Variants in BRINP3 observed in about 807,000 individuals in gnomAD.
BRINP3 encodes the protein BMP/retinoic acid-inducible neural-specific protein 3.
Under a neutral mutation model 71.0 loss-of-function variants are expected in BRINP3, and 19 were observed. The observed-to-expected ratio is 0.27, with a 90% CI of 0.19 to 0.39. The LOEUF (loss-of-function observed/expected upper bound fraction) is 0.39, where lower values mean the gene tolerates loss of function less well. Ranked by LOEUF, BRINP3 falls within the 10% of genes least tolerant of loss-of-function variation. The pLI is 1.00. For synonymous variants in BRINP3, 380 were observed against 337.7 expected, an observed-to-expected ratio of 1.13 and a Z score of -1.37; for missense variants, 959 against 940.8, an observed-to-expected ratio of 1.02 and a Z score of -0.25.
At chr1:190,416,692 G>A (rs1558267625) in intron 2 of BRINP3, among the ~76,000 whole-genome samples, 2 of 152,112 alleles carry the variant, frequency 1.3e-5, no homozygotes. Flanking sequence ...TCACCGTGAA[G>A]TGCCTTACAC....
At chr1:190,409,898 A>C (rs1672550511) in intron 2 of BRINP3, among the ~76,000 whole-genome samples, 1 of 152,160 alleles carries the variant, frequency 6.6e-6, no homozygotes, top group Non-Finnish European at 1.5e-5. Flanking sequence ...AGGCAGAGAG[A>C]GGACAAAATC....
rs962495852 is a variant in BRINP3 at position 190,335,514 on chromosome 1, A to G, written c.237-53764T>C. Among the ~76,000 whole-genome samples the G allele has an allele frequency of 2.6e-5, 4 of 151,866 alleles. No individual in the cohort carries two copies. The South Asian group carries it at 8.3e-4, about 31-fold the overall frequency. On this transcript the variant is annotated intron_variant, in intron 2 of 7. Transcript: ENST00000367462. The stretch of plus-strand genomic sequence containing the variant: ...AAAAGTTTGAACCTCATATTGTTAA[A>G]GAAAACATTGTTAAGTTTGATGAAT...
intron 1 of BRINP3, among the ~76,000 whole-genome samples, chr1:190,461,435 TA>T (rs1676391540): frequency 6.6e-6 from 1 of 152,204 alleles, no homozygotes; most frequent in South Asian, 2.1e-4. Flanking sequence ...GTCATTTTTT[TA>T]TGCTCCCATT....
At chr1:190,345,556 G>T (rs1479939398) in intron 2 of BRINP3, among the ~76,000 whole-genome samples, 1 of 151,260 alleles carries the variant, frequency 6.6e-6, no homozygotes, top group East Asian at 1.9e-4. Context: ...AATAGAAAAT[G>T]TTAATATTAG....
At chr1:190,353,892 T>C (rs1668562887) in intron 2 of BRINP3, among the ~76,000 whole-genome samples, 1 of 152,022 alleles carries the variant, frequency 6.6e-6, no homozygotes, top group South Asian at 2.1e-4. Flanking sequence ...TTGCCTTCTC[T>C]GTTTTATCAG....
intron 7 of BRINP3, among the ~76,000 whole-genome samples, chr1:190,135,494 G>T (rs1367125890): frequency 1.3e-5 from 2 of 152,092 alleles, no homozygotes; most frequent in Non-Finnish European, 2.9e-5. Context: ...ATGGGCAACA[G>T]AAACCACTTT....
intron 2 of BRINP3, among the ~76,000 whole-genome samples, chr1:190,407,060 G>C (rs1672327782): frequency 1.3e-5 from 2 of 151,974 alleles, no homozygotes; most frequent in Admixed American, 1.3e-4. Flanking sequence ...AATAAGTAAG[G>C]GAAAAACCAA....
At chr1:190,274,527 A>G (rs1662383176) in intron 3 of BRINP3, among the ~76,000 whole-genome samples, 1 of 151,644 alleles carries the variant, frequency 6.6e-6, no homozygotes, top group South Asian at 2.1e-4. Context: ...ATACATTGAA[A>G]ACATTGTTTA....
At chr1:190,233,964 C>T (rs1052349246) in intron 5 of BRINP3, among the ~76,000 whole-genome samples, 2 of 152,032 alleles carry the variant, frequency 1.3e-5, no homozygotes, top group Non-Finnish European at 2.9e-5. Flanking sequence ...TTGACTGCCA[C>T]ATTAGGTTAT....
intron 2 of BRINP3, among the ~76,000 whole-genome samples, chr1:190,445,011 A>G (rs1233595862): frequency 6.6e-6 from 1 of 152,188 alleles, no homozygotes; most frequent in Non-Finnish European, 1.5e-5. Flanking sequence ...ATGAACAAAT[A>G]TTACCAATTA....
intron 2 of BRINP3, among the ~76,000 whole-genome samples, chr1:190,308,441 A>G (rs985491297): frequency 1.3e-5 from 2 of 151,214 alleles, no homozygotes; most frequent in African/African-American, 4.9e-5. Flanking sequence ...GAATTGAACA[A>G]TGAGAACACA....
intron 6 of BRINP3, among the ~76,000 whole-genome samples, chr1:190,221,771 A>G (rs1407550071): frequency 1.3e-5 from 2 of 152,112 alleles, no homozygotes; most frequent in African/African-American, 2.4e-5. Context: ...AGCTATACCT[A>G]TATCAGACAA....
chr1:190,329,268 T>A (rs1051450371), intron 2 of BRINP3, among the ~76,000 whole-genome samples: 4 of 152,016 alleles, frequency 2.6e-5, no homozygotes, highest in African/African-American at 4.8e-5. Flanking sequence ...TTTAATTCTA[T>A]ACCTAGAAAA....
intron 7 of BRINP3, among the ~76,000 whole-genome samples, chr1:190,116,716 T>G (rs1571742790): frequency 6.6e-6 from 1 of 152,180 alleles, no homozygotes; most frequent in East Asian, 1.9e-4. Flanking sequence ...AAATTTTTAT[T>G]TATGGAATAG....
At chr1:190,409,035 A>T (rs1340234839) in intron 2 of BRINP3, among the ~76,000 whole-genome samples, 7 of 152,190 alleles carry the variant, frequency 4.6e-5, no homozygotes, top group Non-Finnish European at 8.8e-5. Flanking sequence ...GCATGTGATA[A>T]TGCATAGGAC....
chr1:190,344,584 C>T (rs1667890934), intron 2 of BRINP3, among the ~76,000 whole-genome samples: 1 of 151,818 alleles, frequency 6.6e-6, no homozygotes, highest in Admixed American at 6.6e-5. Flanking sequence ...TCTTAGAGAA[C>T]ACTTTTTCTG....
intron 6 of BRINP3, among the ~76,000 whole-genome samples, chr1:190,224,990 G>A (rs937505130): frequency 1.1e-4 from 16 of 152,000 alleles, no homozygotes; most frequent in African/African-American, 3.6e-4. Context: ...AGGTGCTGGT[G>A]AGGATGCAGA....
intron 6 of BRINP3, among the ~76,000 whole-genome samples, chr1:190,196,640 G>A (rs1321188101): frequency 1.3e-5 from 2 of 151,854 alleles, no homozygotes; most frequent in African/African-American, 2.4e-5. Context: ...CACAGTGGTT[G>A]GCCACATTAA....
chr1:190,112,571 C>T (rs1487223057), intron 7 of BRINP3, among the ~76,000 whole-genome samples: 1 of 152,120 alleles, frequency 6.6e-6, no homozygotes, highest in Non-Finnish European at 1.5e-5. Context: ...TTATGAAAAA[C>T]AATTTGAAAA....
Sources: gnomAD v4.1 joint callset for allele counts (sites outside exome capture counted in the v4.1 genomes callset) on GRCh38, gnomAD v4.1.1 for gene constraint, MANE v1.5 for transcripts, NCBI Gene and HGNC (gene_info 2026-07-23, HGNC 2026-07-21) for gene names.